Variants in RSRC1 observed in about 807,000 individuals in gnomAD.
RSRC1 encodes the protein serine/Arginine-related protein 53.
RSRC1 carries 39 observed loss-of-function variants against 49.1 expected under a neutral mutation model. That is an observed-to-expected ratio of 0.79 (90% CI 0.61 to 1.04). The LOEUF (loss-of-function observed/expected upper bound fraction) is 1.04. RSRC1 is among the 50% of genes least tolerant of loss of function. RSRC1 has a pLI of 0.00. For missense variants in RSRC1, 388 were observed against 402.4 expected (o/e 0.96, Z 0.31); for synonymous variants, 143 against 130.8 (o/e 1.09, Z -0.63).
intron 7 of RSRC1, among the ~76,000 whole-genome samples, chr3:158,499,947 C>G (rs962478515): frequency 1.3e-5 from 2 of 152,094 alleles, no homozygotes; most frequent in African/African-American, 2.4e-5. Context: ...TGTTCCAGCT[C>G]TCAGAGGGAA....
At chr3:158,182,663 C>G (rs1284949959) in intron 3 of RSRC1, among the ~76,000 whole-genome samples, 1 of 152,086 alleles carries the variant, frequency 6.6e-6, no homozygotes, top group Admixed American at 6.6e-5. Flanking sequence ...TTCTTTTAAG[C>G]CTTTTTTGCC....
intron 5 of RSRC1, among the ~76,000 whole-genome samples, chr3:158,327,597 C>T (rs918058507): frequency 7.2e-5 from 11 of 152,002 alleles, no homozygotes; most frequent in South Asian, 2.1e-4. Context: ...GTCTGAGAGA[C>T]AGTTTGTTAT....
chr3:158,503,964 C>T (rs1258869383), intron 7 of RSRC1, among the ~76,000 whole-genome samples: 3 of 152,140 alleles, frequency 2.0e-5, no homozygotes, highest in African/African-American at 7.2e-5. Context: ...GTTTTTCCCC[C>T]CAGCTCCTCT....
chr3:158,444,442 A>C (rs138764268), intron 6 of RSRC1, among the ~76,000 whole-genome samples: 1 of 152,180 alleles, frequency 6.6e-6, no homozygotes, highest in Admixed American at 6.5e-5. Context: ...TGCTGGGAAA[A>C]CTGGCTAGCC....
chr3:158,414,879 C>G (rs936287330), intron 6 of RSRC1, among the ~76,000 whole-genome samples: 3 of 151,976 alleles, frequency 2.0e-5, no homozygotes, highest in African/African-American at 7.2e-5. Context: ...ATTGTGTTCA[C>G]AAAAAAAGTT....
At chr3:158,423,779 A>G (rs1735231774) in intron 6 of RSRC1, among the ~76,000 whole-genome samples, 2 of 151,978 alleles carry the variant, frequency 1.3e-5, no homozygotes, top group South Asian at 2.1e-4. Flanking sequence ...TTCTCCTTGA[A>G]GAGGTCCTTC....
At chr3:158,383,303 C>T (rs539436377) in intron 6 of RSRC1, among the ~76,000 whole-genome samples, 2 of 152,252 alleles carry the variant, frequency 1.3e-5, no homozygotes, top group Admixed American at 1.3e-4. Context: ...CCCTCCATAT[C>T]CACTGGTATG....
At chr3:158,254,796 A>T (rs1724437806) in intron 4 of RSRC1, among the ~76,000 whole-genome samples, 2 of 151,638 alleles carry the variant, frequency 1.3e-5, no homozygotes, top group Admixed American at 1.3e-4. Context: ...GGTGGTTTTG[A>T]TTTGCATTTC....
chr3:158,388,605 G>GTTTTTTT (rs1225891559), intron 6 of RSRC1, among the ~76,000 whole-genome samples: 15 of 99,340 alleles, frequency 1.5e-4, no homozygotes, highest in African/African-American at 6.0e-4. Flanking sequence ...AATTAGCCGT[G>GTTTTTTT]TTTTTTGTTT....
intron 4 of RSRC1, among the ~76,000 whole-genome samples, chr3:158,280,015 G>C (rs827100): frequency 6.6e-6 from 1 of 152,056 alleles, no homozygotes; most frequent in African/African-American, 2.4e-5. Context: ...GACCACCAGC[G>C]CCTCTGACAT....
At chr3:158,405,814 G>C (rs1435111933) in intron 6 of RSRC1, among the ~76,000 whole-genome samples, 1 of 152,088 alleles carries the variant, frequency 6.6e-6, no homozygotes, top group Non-Finnish European at 1.5e-5. Flanking sequence ...TTGCTAGATC[G>C]AGTAGCTAAA....
chr3:158,271,723 A>G (rs1725528508), intron 4 of RSRC1, among the ~76,000 whole-genome samples: 1 of 152,162 alleles, frequency 6.6e-6, no homozygotes, highest in Admixed American at 6.6e-5. Flanking sequence ...GATAACATCT[A>G]GCTAAAATTC....
chr3:158,355,670 A>G (rs538175388), intron 6 of RSRC1, among the ~76,000 whole-genome samples: 1 of 152,156 alleles, frequency 6.6e-6, no homozygotes, highest in Non-Finnish European at 1.5e-5. Flanking sequence ...TTAAAAATAT[A>G]TAAGATCTAT....
chr3:158,337,377 A>G (rs1269435913), intron 5 of RSRC1, among the ~76,000 whole-genome samples: 1 of 152,328 alleles, frequency 6.6e-6, no homozygotes, highest in East Asian at 1.9e-4. Context: ...AGCATGGGGT[A>G]AGAGAGTCTC....
At chr3:158,274,636 C>A (rs1725705197) in intron 4 of RSRC1, among the ~76,000 whole-genome samples, 1 of 152,082 alleles carries the variant, frequency 6.6e-6, no homozygotes, top group African/African-American at 2.4e-5. Flanking sequence ...TGGACAATTC[C>A]TTGTCTACAT....
At chr3:158,120,295 C>T (rs568534876) in intron 1 of RSRC1, among the ~76,000 whole-genome samples, 9 of 152,070 alleles carry the variant, frequency 5.9e-5, no homozygotes, top group African/African-American at 2.2e-4. Context: ...GACATGTGAG[C>T]AACTTGGACG....
intron 5 of RSRC1, among the ~76,000 whole-genome samples, chr3:158,320,029 G>C (rs1241384400): frequency 6.6e-6 from 1 of 152,120 alleles, no homozygotes; most frequent in Non-Finnish European, 1.5e-5. Context: ...GATTGGAATT[G>C]ATGTAAAATA....
intron 7 of RSRC1, among the ~76,000 whole-genome samples, chr3:158,529,234 A>ATATATATATC (rs1491424047): frequency 1.4e-5 from 2 of 146,574 alleles, no homozygotes; most frequent in Admixed American, 1.4e-4. Context: ...ATATATATAT[A>ATATATATATC]TCCTACAAAT....
intron 3 of RSRC1, among the ~76,000 whole-genome samples, chr3:158,138,599 A>C (rs1194708939): frequency 6.6e-6 from 1 of 152,226 alleles, no homozygotes; most frequent in Non-Finnish European, 1.5e-5. Flanking sequence ...AAACACTTAA[A>C]TGCAGTCCCT....
Sources: allele counts gnomAD v4.1 joint callset (sites outside exome capture counted in the v4.1 genomes callset), GRCh38; gene constraint gnomAD v4.1.1; transcripts MANE v1.5; gene names NCBI Gene and HGNC (gene_info 2026-07-23, HGNC 2026-07-21).